POU6F2: variants seen among roughly 807,000 people sequenced by gnomAD.
POU6F2 encodes POU class 6 homeobox 2.
In POU6F2, 31 loss-of-function variants were observed where a neutral mutation model predicts 71.3. The observed-to-expected ratio is 0.43, with a 90% CI of 0.33 to 0.59. The LOEUF is 0.59. Among genes scored for constraint, POU6F2 ranks in the 20% least tolerant of loss-of-function variants. The pLI is 0.04. For missense variants in POU6F2, 783 were observed against 856.8 expected, an observed-to-expected ratio of 0.91 and a Z score of 1.07; for synonymous variants, 347 against 355.7, an observed-to-expected ratio of 0.98 and a Z score of 0.27.
At chr7:39,084,973 C>G (rs1791205611) in intron 1 of POU6F2, 1 of 152,102 alleles carries the variant, frequency 6.6e-6, no homozygotes, top group Admixed American at 6.5e-5. Flanking sequence ...GAAAATATTT[C>G]TGATCCTAAA....
chr7:39,044,812 TG>T (rs1790256900), intron 1 of POU6F2, among the ~76,000 whole-genome samples: 1 of 151,932 alleles, frequency 6.6e-6, no homozygotes, highest in African/African-American at 2.4e-5. Context: ...TTTTTCCATA[TG>T]ATGTTTTATA....
intron 2 of POU6F2, among the ~76,000 whole-genome samples, chr7:39,124,067 G>A (rs1159964862): frequency 4.8e-5 from 4 of 83,178 alleles, no homozygotes; most frequent in African/African-American, 1.4e-4. Context: ...TTTTTTTTGA[G>A]ACAGAGTCTT....
At chr7:39,459,452 GGTTTTGTTTTGTTTTGTTTT>G (rs141262587) in intron 8 of POU6F2, among the ~76,000 whole-genome samples, 4 of 149,046 alleles carry the variant, frequency 2.7e-5, no homozygotes, top group Middle Eastern at 3.4e-3. Context: ...TGGTTTTGTG[GGTTTTGTTTTGTTTTGTTTT>G]GTTTTGTTTT....
intron 2 of POU6F2, among the ~76,000 whole-genome samples, chr7:39,154,368 A>C (rs1792822022): frequency 6.6e-6 from 1 of 152,062 alleles, no homozygotes; most frequent in Non-Finnish European, 1.5e-5. Context: ...TAATGCCTGT[A>C]TAAGGCATTT....
At chr7:39,298,532 T>C (rs1784894131) in intron 4 of POU6F2, among the ~76,000 whole-genome samples, 1 of 152,076 alleles carries the variant, frequency 6.6e-6, no homozygotes, top group African/African-American at 2.4e-5. Context: ...TGTGGAGAAA[T>C]AGGAACACTT....
chr7:39,230,467 G>A (rs1312788334), intron 4 of POU6F2, among the ~76,000 whole-genome samples: 3 of 150,664 alleles, frequency 2.0e-5, no homozygotes, highest in African/African-American at 7.3e-5. Flanking sequence ...CTGGGTGACA[G>A]CATAAGACCC....
intron 1 of POU6F2, among the ~76,000 whole-genome samples, chr7:38,999,862 C>G (rs1788850162): frequency 6.6e-6 from 1 of 152,162 alleles, no homozygotes. Flanking sequence ...ATTCAACAAT[C>G]AGTCTGGTTA....
intron 1 of POU6F2, among the ~76,000 whole-genome samples, chr7:39,062,416 TCCAC>T (rs1196676079): frequency 1.3e-5 from 2 of 151,746 alleles, no homozygotes; most frequent in Non-Finnish European, 2.9e-5. Context: ...CGATCTACCT[TCCAC>T]CCACTTCTTA....
chr7:39,099,318 A>G (rs570814824), intron 2 of POU6F2, among the ~76,000 whole-genome samples: 1 of 152,380 alleles, frequency 6.6e-6, no homozygotes, highest in East Asian at 1.9e-4. Context: ...TGGTGTGGTC[A>G]GATACCCTGG....
chr7:39,457,854 CCT>C (rs1413526472), intron 8 of POU6F2, among the ~76,000 whole-genome samples: 1 of 152,130 alleles, frequency 6.6e-6, no homozygotes, highest in African/African-American at 2.4e-5. Context: ...ACCCTTCTTC[CCT>C]CTCTCAGAGA....
At chr7:39,194,559 CGCTCTGT>C (rs1793741101) in intron 2 of POU6F2, among the ~76,000 whole-genome samples, 1 of 5,700 alleles carries the variant, frequency 1.8e-4, no homozygotes, top group African/African-American at 5.2e-3. Context: ...GACCAATCAG[CGCTCTGT>C]AAAGTGGACC....
At chr7:39,224,706 G>GA (rs1794429753) in intron 4 of POU6F2, among the ~76,000 whole-genome samples, 1 of 152,140 alleles carries the variant, frequency 6.6e-6, no homozygotes, top group African/African-American at 2.4e-5. Flanking sequence ...GCTACTAGAA[G>GA]AAAAACAATT....
intron 1 of POU6F2, among the ~76,000 whole-genome samples, chr7:39,039,585 C>T (rs187526254): frequency 1.3e-5 from 2 of 151,940 alleles, no homozygotes; most frequent in East Asian, 1.9e-4. Flanking sequence ...CTAATTATTT[C>T]AATGGATATT....
At chr7:39,308,706 T>C (rs1024922921) in intron 4 of POU6F2, among the ~76,000 whole-genome samples, 1 of 152,166 alleles carries the variant, frequency 6.6e-6, no homozygotes, top group African/African-American at 2.4e-5. Context: ...CTGGAGGCCA[T>C]TGCTCCTGGG....
intron 2 of POU6F2, among the ~76,000 whole-genome samples, chr7:39,184,975 A>G (rs868310388): frequency 2.6e-5 from 4 of 152,214 alleles, no homozygotes; most frequent in Non-Finnish European, 4.4e-5. Context: ...CTGGTCTGTT[A>G]ACTTCTGACA....
At chr7:39,021,688 T>A (rs1352970354) in intron 1 of POU6F2, among the ~76,000 whole-genome samples, 1 of 152,066 alleles carries the variant, frequency 6.6e-6, no homozygotes, top group African/African-American at 2.4e-5. Flanking sequence ...GATTCACATC[T>A]TTCTTAAATA....
chr7:39,237,328 G>T (rs1270525154), intron 4 of POU6F2, among the ~76,000 whole-genome samples: 3 of 152,102 alleles, frequency 2.0e-5, no homozygotes, highest in African/African-American at 7.2e-5. Flanking sequence ...TCCCCTGCCT[G>T]TCAATGCAAT....
chr7:39,299,649 C>A (rs1328473588), intron 4 of POU6F2, among the ~76,000 whole-genome samples: 3 of 152,124 alleles, frequency 2.0e-5, no homozygotes, highest in Non-Finnish European at 4.4e-5. Flanking sequence ...ATCGTGAGAA[C>A]TAAATAAACC....
intron 5 of POU6F2, among the ~76,000 whole-genome samples, chr7:39,365,892 T>C (rs1262315425): frequency 6.6e-6 from 1 of 152,180 alleles, no homozygotes; most frequent in Admixed American, 6.5e-5. Context: ...AGGTTAATGG[T>C]TATGTATCTG....
Sources: allele counts gnomAD v4.1 joint callset (sites outside exome capture counted in the v4.1 genomes callset), GRCh38; gene constraint gnomAD v4.1.1; transcripts MANE v1.5; gene names NCBI Gene and HGNC (gene_info 2026-07-23, HGNC 2026-07-21).